The following ISY1 variants were observed in gnomAD, a reference collection of about 807,000 sequenced individuals.
ISY1 encodes the protein pre-mRNA-splicing factor ISY1 homolog.
ISY1 carries 12 observed loss-of-function variants against 54.4 expected under a neutral mutation model. The ratio of observed to expected loss-of-function variants is 0.22; its 90% confidence interval spans 0.14 to 0.36. ISY1 has a LOEUF of 0.36. Among genes scored for constraint, ISY1 ranks in the 10% least tolerant of loss-of-function variants. ISY1 has a pLI of 1.00. For synonymous variants in ISY1, 96 were observed against 117.9 expected, an observed-to-expected ratio of 0.81 and a Z score of 1.20; for missense variants, 282 against 342.2, an observed-to-expected ratio of 0.82 and a Z score of 1.39.
intron 1 of ISY1, among the ~76,000 whole-genome samples, chr3:129,159,644 A>C (rs1036050576): frequency 1.3e-5 from 2 of 152,136 alleles, no homozygotes; most frequent in Admixed American, 1.3e-4. Context: ...CTAAATGTCA[A>C]CTCAATTATC....
rs185227566 is a variant in ISY1 at position 129,156,127 on chromosome 3, A to G, written c.187+506T>C. Among the ~76,000 whole-genome samples, 14 of 152,206 alleles carry G rather than the reference A, an allele frequency of 9.2e-5. No individual in the cohort carries two copies. In the East Asian group the frequency reaches 2.7e-3, roughly 29 times the overall value. ...AAAGACCATGTATTAGGCCGGGCAT[A>G]GTGGCTCATACCTATAATCCCAGCA... On this transcript the variant is annotated intron_variant, in intron 5 of 10. Transcript: ENST00000393295.
At position 129,134,825 on chromosome 3, in the gene ISY1, G is replaced by T; in HGVS notation, c.541+7C>A. The T allele has an allele frequency of 6.2e-7, 1 of 1,603,870 alleles. No individual in the cohort carries two copies. Among genetic ancestry groups the T allele is most frequent in the South Asian group, 1.1e-5 (1 of 90,168 alleles). ...TCTATTATGAAATAAAATGCCCAGAGACCTACGTTTCTTTTCATATTCCTG... is the reference window on the plus strand; with the variant it reads ...TCTATTATGAAATAAAATGCCCAGATACCTACGTTTCTTTTCATATTCCTG... On this transcript the variant is annotated splice_region_variant and intron_variant, in intron 8 of 10. Transcript: ENST00000393295.
intron 7 of ISY1, among the ~76,000 whole-genome samples, chr3:129,136,562 G>A (rs1936406920): frequency 6.6e-6 from 1 of 151,872 alleles, no homozygotes; most frequent in African/African-American, 2.4e-5. Context: ...GGAGTGCAAT[G>A]GCGCAATCTC....
intron 6 of ISY1, among the ~76,000 whole-genome samples, chr3:129,143,017 T>C (rs187489330): frequency 6.6e-6 from 1 of 152,218 alleles, no homozygotes; most frequent in Admixed American, 6.5e-5. Context: ...ATCACACTCC[T>C]GCACTCCAGC....
chr3:129,149,822 A>G (rs111933869), intron 5 of ISY1, among the ~76,000 whole-genome samples: 63 of 149,396 alleles, frequency 4.2e-4, no homozygotes, highest in East Asian at 2.9e-3. Flanking sequence ...AGAAAGAAAA[A>G]AATTAGCCAG....
intron 6 of ISY1, among the ~76,000 whole-genome samples, chr3:129,141,493 G>A (rs1351109770): frequency 4.0e-5 from 6 of 149,772 alleles, no homozygotes; most frequent in Admixed American, 1.3e-4. Flanking sequence ...AGTGGCTCAC[G>A]CCTGTAATCT....
intron 6 of ISY1, chr3:129,143,924 A>G (rs1936699478): frequency 6.0e-6 from 1 of 166,224 alleles, no homozygotes; most frequent in Admixed American, 6.1e-5. Flanking sequence ...TTCTGAACTT[A>G]GTGGTAATAT....
In ISY1 at chr3:129,127,432, T is replaced by C. The variant is rs371900915; in HGVS notation, c.*2649A>G. ...GCCAAAGCTAAAATAAACCATTCAG[T>C]AGATTTTATTAACCAAACAAAGCCT... is the stretch of plus-strand genomic sequence containing the variant. On this transcript the variant is annotated 3_prime_UTR_variant, in exon 11 of 11. Coordinates refer to ENST00000393295, the MANE Select transcript of ISY1 (RefSeq NM_020701.4). The C allele has an allele frequency of 6.6e-6, 1 of 152,142 alleles. No homozygotes were observed. The highest frequency in any genetic ancestry group is 1.5e-5 in the Non-Finnish European group (1 of 68,018). 9.4% of individuals were successfully genotyped at this position (152,142 alleles called of 1,614,324 possible). A position where few individuals can be genotyped will look rare whatever the true frequency, so the allele number is the denominator to read the frequency against.
At position 129,129,000 on chromosome 3, in the gene ISY1, C is replaced by T. The variant is rs56803688; in HGVS notation, c.*1081G>A. 195 of 152,432 alleles carry T rather than the reference C, an allele frequency of 1.3e-3. No homozygotes were observed. Among genetic ancestry groups the T allele is most frequent in the African/African-American group, 4.6e-3 (192 of 41,566 alleles). The allele number at this position is 152,432 out of a possible 1,614,324, so 9.4% of individuals were successfully genotyped here. On this transcript the variant is annotated 3_prime_UTR_variant, in exon 11 of 11. Coordinates refer to ENST00000393295, the MANE Select transcript of ISY1 (RefSeq NM_020701.4). ...CTGTCTACAGCTGTGGCCACGGACGCCATGGTGGGTCGGCTCACTCCCACC... is the reference window on the plus strand; with the variant it reads ...CTGTCTACAGCTGTGGCCACGGACGTCATGGTGGGTCGGCTCACTCCCACC...
intron 6 of ISY1, among the ~76,000 whole-genome samples, chr3:129,141,411 C>T (rs1486670192): frequency 2.6e-5 from 4 of 151,994 alleles, no homozygotes; most frequent in African/African-American, 7.3e-5. Flanking sequence ...ACCTATCGTG[C>T]CACTGCATTC....
At chr3:129,144,013 T>C (rs548158142) in intron 6 of ISY1, 2 of 203,066 alleles carry the variant, frequency 9.8e-6, no homozygotes, top group African/African-American at 2.3e-5. Context: ...AAAATATTAA[T>C]AGTGTTGAAT....
chr3:129,140,611 T>G, intron 6 of ISY1, 126 bp from the exon 7 acceptor site: 1 of 1,060,004 alleles, frequency 9.4e-7, no homozygotes, highest in Non-Finnish European at 1.3e-6. Context: ...AGTCTCGCTC[T>G]GTTGCCCAGG....
intron 5 of ISY1, among the ~76,000 whole-genome samples, chr3:129,147,803 G>A (rs1304703827): frequency 6.6e-6 from 1 of 151,838 alleles, no homozygotes; most frequent in Non-Finnish European, 1.5e-5. Context: ...CCAACTTTTG[G>A]CCACCAGTAA....
intron 6 of ISY1, among the ~76,000 whole-genome samples, chr3:129,141,983 T>C (rs892932932): frequency 6.6e-6 from 1 of 151,898 alleles, no homozygotes; most frequent in African/African-American, 2.4e-5. Flanking sequence ...GGCGGGAAGA[T>C]CACCTGAGGT....
chr3:129,159,233 G>T, intron 1 of ISY1, 57 bp from the exon 2 acceptor site: 3 of 1,576,848 alleles, frequency 1.9e-6, no homozygotes, highest in Non-Finnish European at 2.6e-6. Context: ...TTTTTTTCTT[G>T]CCCTTTACTT....
intron 10 of ISY1, 121 bp from the exon 11 acceptor site, chr3:129,130,309 A>C: frequency 7.3e-7 from 1 of 1,363,566 alleles, no homozygotes; most frequent in Non-Finnish European, 9.8e-7. Context: ...AAATACGCAG[A>C]ATAGTCTCCA....
At chr3:129,147,227 A>C (rs892125410) in intron 5 of ISY1, among the ~76,000 whole-genome samples, 1 of 151,898 alleles carries the variant, frequency 6.6e-6, no homozygotes, top group Non-Finnish European at 1.5e-5. Context: ...AAATACAAAA[A>C]TCAGCCAGGA....
chr3:129,144,393 T>C (rs755585092), intron 6 of ISY1, among the ~76,000 whole-genome samples: 2 of 152,216 alleles, frequency 1.3e-5, no homozygotes, highest in African/African-American at 2.4e-5. Context: ...TTGTATGTAC[T>C]AGGGTAAGAA....
chr3:129,134,002 A>G, intron 9 of ISY1, 72 bp downstream of exon 9: 1 of 1,597,210 alleles, frequency 6.3e-7, no homozygotes, highest in Non-Finnish European at 8.5e-7. Context: ...TTGGGAGCCA[A>G]GTTTCCTCCC....
Sources: allele counts gnomAD v4.1 joint callset (sites outside exome capture counted in the v4.1 genomes callset), GRCh38; gene constraint gnomAD v4.1.1; transcripts MANE v1.5; gene names NCBI Gene and HGNC (gene_info 2026-07-23, HGNC 2026-07-21).